The following CD200 variants were observed in gnomAD, a reference collection of about 807,000 sequenced individuals.
CD200 encodes the protein CD200 molecule.
CD200 carries 15 observed loss-of-function variants against 30.9 expected under a neutral mutation model. The observed-to-expected ratio is 0.49, with a 90% CI of 0.32 to 0.75. The LOEUF is 0.75. CD200 is among the 30% of genes least tolerant of loss of function. The probability of loss-of-function intolerance (pLI) is 0.03; values close to 1 mark genes in which losing one functional copy is unlikely to be tolerated. For synonymous variants in CD200, 134 were observed against 126.2 expected (o/e 1.06, Z -0.41); for missense variants, 262 against 324.2 (o/e 0.81, Z 1.47).
chr3:112,360,127 A>C (rs1336258132), intron 5 of CD200, among the ~76,000 whole-genome samples: 1 of 152,196 alleles, frequency 6.6e-6, no homozygotes, highest in Non-Finnish European at 1.5e-5. Context: ...CAGGAGTTCA[A>C]GACCAGCCTG....
intron 5 of CD200, among the ~76,000 whole-genome samples, chr3:112,356,500 T>C (rs746293922): frequency 1.7e-4 from 26 of 152,216 alleles, no homozygotes; most frequent in Non-Finnish European, 2.4e-4. Context: ...TATGAACACA[T>C]AAAATCTACT....
chr3:112,354,961 A>G (rs1360296297), intron 5 of CD200, among the ~76,000 whole-genome samples: 1 of 152,106 alleles, frequency 6.6e-6, no homozygotes, highest in South Asian at 2.1e-4. Context: ...TTTTTCCTTT[A>G]TAAGGATCCT....
At position 112,347,790 on chromosome 3, in the gene CD200, C is replaced by T. The variant is rs746578975; in HGVS notation, c.654C>T (p.His218=). Reference sequence around the variant, plus strand: ...AGGAGGTGATCTGCCAGGTGCTGCACCTGGGGACTGTGACCGACTTTAAGC... The same window carrying T: ...AGGAGGTGATCTGCCAGGTGCTGCATCTGGGGACTGTGACCGACTTTAAGC... The part of the protein sequence containing the change: ...VGKEVICQVL[H]LGTVTDFKQT... The change falls in exon 4 of 6, where the codon CAC becomes CAT. Residue 218 remains histidine (H), a synonymous_variant. Transcript: ENST00000315711. 5 of 1,613,660 alleles carry T rather than the reference C, an allele frequency of 3.1e-6. No individual in the cohort carries two copies. The Admixed American group carries it at 5.0e-5, about 16-fold the overall frequency.
intron 5 of CD200, among the ~76,000 whole-genome samples, chr3:112,350,421 G>C (rs988596287): frequency 6.6e-6 from 1 of 152,172 alleles, no homozygotes; most frequent in Non-Finnish European, 1.5e-5. Context: ...TGAGGACAGA[G>C]AGAATTTTTA....
chr3:112,341,565 T>A (rs192921655), intron 2 of CD200, among the ~76,000 whole-genome samples: 85 of 152,314 alleles, frequency 5.6e-4, no homozygotes, highest in African/African-American at 1.9e-3. Context: ...TTGCTCAGCA[T>A]CAGCCTCCAC....
intron 5 of CD200, among the ~76,000 whole-genome samples, chr3:112,357,178 G>C (rs778369104): frequency 6.7e-6 from 1 of 149,486 alleles, no homozygotes; most frequent in Non-Finnish European, 1.5e-5. Flanking sequence ...GGAGAATGGC[G>C]TGAACCCGGA....
chr3:112,353,685 T>C (rs1257182011), intron 5 of CD200, among the ~76,000 whole-genome samples: 1 of 152,194 alleles, frequency 6.6e-6, no homozygotes, highest in Non-Finnish European at 1.5e-5. Flanking sequence ...ACAAAAAATA[T>C]CTGTTCACCC....
chr3:112,345,710 A>G (rs1266646095), intron 3 of CD200, among the ~76,000 whole-genome samples: 1 of 152,160 alleles, frequency 6.6e-6, no homozygotes, highest in African/African-American at 2.4e-5. Context: ...AACTTTTTGG[A>G]TCTAAGGACA....
At chr3:112,332,900 G>T, upstream of CD200, 1 of 415,804 alleles carries the variant, frequency 2.4e-6, no homozygotes, top group Non-Finnish European at 4.4e-6. Flanking sequence ...AGTCCAGGTA[G>T]CAGGAAAATG....
intron 5 of CD200, among the ~76,000 whole-genome samples, chr3:112,351,963 T>A (rs892324632): frequency 7.5e-4 from 114 of 152,254 alleles, no homozygotes; most frequent in African/African-American, 2.6e-3. Context: ...GAGAACTCAC[T>A]CACACCAAGG....
At chr3:112,347,854 C>A in intron 4 of CD200, 24 bp downstream of exon 4, 1 of 1,604,188 alleles carries the variant, frequency 6.2e-7, no homozygotes, top group Non-Finnish European at 8.5e-7. Flanking sequence ...AGCAAGGTGG[C>A]TGTGGTTGTG....
chr3:112,344,189 TATGAG>T (rs1233525712), intron 2 of CD200, among the ~76,000 whole-genome samples: 16 of 152,384 alleles, frequency 1.0e-4, no homozygotes, highest in African/African-American at 3.6e-4. Context: ...ATTCATTTTG[TATGAG>T]TTATTGGGTT....
intron 4 of CD200, among the ~76,000 whole-genome samples, chr3:112,349,015 A>G (rs2081473556): frequency 6.6e-6 from 1 of 152,184 alleles, no homozygotes; most frequent in Non-Finnish European, 1.5e-5. Flanking sequence ...CACTGGACCT[A>G]TAGAAATCAA....
chr3:112,333,135 C>T, upstream of CD200: 1 of 1,540,536 alleles, frequency 6.5e-7, no homozygotes, highest in Non-Finnish European at 8.7e-7. Flanking sequence ...GCACAGGTGA[C>T]GCTCCTCCCG....
At chr3:112,336,144 C>A in intron 1 of CD200, 2 of 681,604 alleles carry the variant, frequency 2.9e-6, no homozygotes, top group South Asian at 1.7e-5. Flanking sequence ...TTTGGTACTT[C>A]CTCTTGAAAT....
intron 2 of CD200, 24 bp from the exon 3 acceptor site, chr3:112,344,938 A>T (rs754490675): frequency 3.3e-6 from 5 of 1,516,036 alleles, no homozygotes; most frequent in Middle Eastern, 1.7e-4. Flanking sequence ...CTTTAAATAT[A>T]AATGTTCTTT....
intron 1 of CD200, among the ~76,000 whole-genome samples, chr3:112,339,917 T>A (rs1309702709): frequency 6.6e-6 from 1 of 152,170 alleles, no homozygotes; most frequent in Non-Finnish European, 1.5e-5. Context: ...AGCTGGGCAT[T>A]TTGTGAACCC....
intron 2 of CD200, among the ~76,000 whole-genome samples, chr3:112,341,757 A>C (rs2081243520): frequency 6.6e-6 from 1 of 152,114 alleles, no homozygotes. Context: ...GAAAAAAAAA[A>C]CTCATCTAAG....
intron 2 of CD200, among the ~76,000 whole-genome samples, chr3:112,344,342 A>G (rs137969468): frequency 3.7e-4 from 56 of 152,208 alleles, no homozygotes; most frequent in Non-Finnish European, 5.9e-5. Flanking sequence ...AATTACCACC[A>G]TAGCATTTAG....
Sources: gnomAD v4.1 joint callset for allele counts (sites outside exome capture counted in the v4.1 genomes callset) on GRCh38, gnomAD v4.1.1 for gene constraint, MANE v1.5 for transcripts, NCBI Gene and HGNC (gene_info 2026-07-23, HGNC 2026-07-21) for gene names.